The following MGME1 variants were observed in gnomAD, a reference collection of about 807,000 sequenced individuals.
MGME1 encodes chromosome 20 open reading frame 72.
MGME1 carries 22 observed loss-of-function variants against 33.0 expected under a neutral mutation model. That is an observed-to-expected ratio of 0.67 (90% CI 0.48 to 0.95). The LOEUF is 0.95. Ranked by LOEUF, MGME1 falls within the 40% of genes least tolerant of loss-of-function variation. The pLI is 0.00. For synonymous variants in MGME1, 133 were observed against 144.0 expected, an observed-to-expected ratio of 0.92 and a Z score of 0.55; for missense variants, 383 against 397.8, an observed-to-expected ratio of 0.96 and a Z score of 0.32.
At chr20:17,989,705 C>CTT (rs34413983) in intron 4 of MGME1, among the ~76,000 whole-genome samples, 13 of 143,174 alleles carry the variant, frequency 9.1e-5, no homozygotes, top group South Asian at 4.4e-4. Context: ...CTTCTTGGGC[C>CTT]TTTTTTTTTT....
At chr20:17,978,772 T>G (rs2035931136) in intron 3 of MGME1, among the ~76,000 whole-genome samples, 1 of 151,976 alleles carries the variant, frequency 6.6e-6, no homozygotes, top group Non-Finnish European at 1.5e-5. Flanking sequence ...GGTTTTTTTT[T>G]GTTGTTTTTG....
intron 3 of MGME1, among the ~76,000 whole-genome samples, chr20:17,985,051 A>G (rs910060336): frequency 4.6e-5 from 7 of 151,586 alleles, no homozygotes; most frequent in Admixed American, 4.6e-4. Flanking sequence ...AAAAAAAAAA[A>G]AAAAAAGAAA....
chr20:17,974,214 G>A (rs369983279), intron 2 of MGME1, among the ~76,000 whole-genome samples: 19 of 152,012 alleles, frequency 1.2e-4, no homozygotes, highest in African/African-American at 2.7e-4. Context: ...ACAGGCATGC[G>A]CCACCACACC....
intron 3 of MGME1, among the ~76,000 whole-genome samples, chr20:17,983,951 GTC>G (rs1261207785): frequency 6.6e-6 from 1 of 152,116 alleles, no homozygotes; most frequent in East Asian, 1.9e-4. Context: ...GGATGTATAT[GTC>G]TGTTTTTGCT....
chr20:17,976,666 C>T (rs911904971), intron 3 of MGME1, among the ~76,000 whole-genome samples: 5 of 151,820 alleles, frequency 3.3e-5, no homozygotes, highest in Admixed American at 1.3e-4. Flanking sequence ...TGTTTTGTTT[C>T]GTTTTGTTTT....
At chr20:17,978,556 C>T (rs529415204) in intron 3 of MGME1, among the ~76,000 whole-genome samples, 1 of 152,120 alleles carries the variant, frequency 6.6e-6, no homozygotes, top group East Asian at 1.9e-4. Context: ...GAGAAGAGCC[C>T]TGTATACCAA....
intron 3 of MGME1, among the ~76,000 whole-genome samples, chr20:17,981,888 G>C (rs1177135200): frequency 6.8e-6 from 1 of 146,924 alleles, no homozygotes; most frequent in Non-Finnish European, 1.5e-5. Context: ...CCTGACCTAA[G>C]GTGATCCACC....
At chr20:17,987,296 C>T (rs1448634841) in intron 3 of MGME1, among the ~76,000 whole-genome samples, 1 of 152,000 alleles carries the variant, frequency 6.6e-6, no homozygotes, top group Non-Finnish European at 1.5e-5. Context: ...ATAAAATTAT[C>T]TCTAAACCTA....
intron 2 of MGME1, among the ~76,000 whole-genome samples, chr20:17,975,403 A>G (rs2035833508): frequency 6.6e-6 from 1 of 152,036 alleles, no homozygotes; most frequent in Non-Finnish European, 1.5e-5. Flanking sequence ...CTAAAAGTAG[A>G]AAAATTAGCC....
intron 2 of MGME1, among the ~76,000 whole-genome samples, chr20:17,971,087 A>G (rs1182060451): frequency 6.6e-6 from 1 of 152,258 alleles, no homozygotes; most frequent in Non-Finnish European, 1.5e-5. Context: ...AGTGCAGTAC[A>G]TGTACTCTTA....
At position 17,990,415 on chromosome 20, in the gene MGME1, G is replaced by GGA; in HGVS notation, c.*307_*308insAG. ...TGTACTCCCTTGAGGGACATTGGGG[G>GGA]GGGGGGGGCGTGGTCCCAGGCAGGA... On this transcript the variant is annotated 3_prime_UTR_variant, in exon 5 of 5. Transcript: ENST00000377710. 2.9e-6 allele frequency: 1 copy of GGA among 350,328 alleles called. No individual in the cohort carries two copies. The allele number at this position is 350,328 out of a possible 1,614,324, so 21.7% of individuals were successfully genotyped here.
Position 17,990,040 on chromosome 20 carries a change from T to G in MGME1, c.966T>G (p.Leu322=), listed in dbSNP as rs2036255476. The G allele has an allele frequency of 6.2e-7, 1 of 1,614,142 alleles. No individual in the cohort carries two copies. Among genetic ancestry groups the G allele is most frequent in the Non-Finnish European group, 8.5e-7 (1 of 1,180,008 alleles). Residue 322 remains leucine, a synonymous_variant, in exon 5 of 5, where the codon CTT becomes CTG. Coordinates refer to ENST00000377710, the MANE Select transcript of MGME1 (RefSeq NM_052865.4). ...GTTCCCAGTACTGGACCAAGTGGCT[T>G]CTTCGACTAGAAGAATATACGGAAA... The part of the protein sequence containing the change: ...ELCSQYWTKW[L]LRLEEYTEKK...
chr20:17,970,143 G>T lies in MGME1; in HGVS notation c.284G>T (p.Arg95Leu). ...HKLPNQGEDR[R>L]VPQNWFPIFN... ...CTGCCAAACCAAGGTGAGGACAGACGAGTGCCACAAAACTGGTTTCCTATC... is the reference window on the plus strand; with the variant it reads ...CTGCCAAACCAAGGTGAGGACAGACTAGTGCCACAAAACTGGTTTCCTATC... The change falls in exon 2 of 5, where the codon CGA (arginine) becomes CTA (leucine). Residue 95 changes from arginine (R) to leucine (L), a missense_variant. Coordinates refer to ENST00000377710, the MANE Select transcript of MGME1 (RefSeq NM_052865.4). 1.2e-6 allele frequency: 2 copies of T among 1,614,204 alleles called. No homozygotes were observed. Among genetic ancestry groups the T allele is most frequent in the South Asian group, 1.1e-5 (1 of 91,090 alleles).
Position 17,969,797 on chromosome 20 carries a change from A to G in MGME1, c.-59-4A>G, listed in dbSNP as rs2035664524. On this transcript the variant is annotated splice_polypyrimidine_tract_variant and splice_region_variant and intron_variant, in intron 1 of 4. Transcript: ENST00000377710. ...CGCTTTGATGGTTGTTTTCTCTCCA[A>G]TAGGAATACAAACATAAAGGCCTTC... The G allele has an allele frequency of 8.1e-6, 12 of 1,481,610 alleles. No homozygotes were observed. Among genetic ancestry groups the G allele is most frequent in the Admixed American group, 4.5e-5 (2 of 44,574 alleles). The allele number at this position is 1,481,610 out of a possible 1,614,324, so 91.8% of individuals were successfully genotyped here. A position where few individuals can be genotyped will look rare whatever the true frequency, so the allele number is the denominator to read the frequency against.
At chr20:17,979,180 G>A (rs780596689) in intron 3 of MGME1, among the ~76,000 whole-genome samples, 1 of 151,040 alleles carries the variant, frequency 6.6e-6, no homozygotes, top group Admixed American at 6.6e-5. Context: ...AGGCCCAAGC[G>A]ATTCTCCCAC....
chr20:17,972,663 T>G, intron 2 of MGME1: 3 of 984,890 alleles, frequency 3.0e-6, no homozygotes, highest in Non-Finnish European at 2.4e-6. Context: ...TTGAATCATG[T>G]TGAATGTTCT....
In MGME1 at chr20:17,969,839, C is replaced by T. The variant is rs899263336; in HGVS notation, c.-21C>T. The T allele has an allele frequency of 1.3e-6, 2 of 1,586,356 alleles. No individual in the cohort carries two copies. The highest frequency in any genetic ancestry group is 1.7e-6 in the Non-Finnish European group (2 of 1,169,256). ...AAGGCCTTCGACCGTTGCAAATAGA[C>T]TAAAGTGAAAACAAATCTGAATGAA... On this transcript the variant is annotated 5_prime_UTR_variant, in exon 2 of 5. Transcript: ENST00000377710.
At chr20:17,989,388 C>CAAATAAATAAATAAAT (rs58644150) in intron 4 of MGME1, among the ~76,000 whole-genome samples, 5,766 of 142,382 alleles carry the variant, frequency 0.04, 370 homozygotes, top group African/African-American at 0.14. Context: ...TGTCTCTCTC[C>CAAATAAATAAATAAAT]AAATAAATAA....
chr20:17,987,409 A>G (rs1003915739), intron 3 of MGME1, among the ~76,000 whole-genome samples: 5 of 152,208 alleles, frequency 3.3e-5, no homozygotes, highest in African/African-American at 1.2e-4. Flanking sequence ...CTACATTTCA[A>G]TGACTTTGTA....
Sources: gnomAD v4.1 joint callset for allele counts (sites outside exome capture counted in the v4.1 genomes callset) on GRCh38, gnomAD v4.1.1 for gene constraint, MANE v1.5 for transcripts, NCBI Gene and HGNC (gene_info 2026-07-23, HGNC 2026-07-21) for gene names.